The following QKI variants were observed in gnomAD, a reference collection of about 807,000 sequenced individuals.
The protein encoded by QKI is KH domain-containing RNA-binding protein QKI.
Under a neutral mutation model 39.0 loss-of-function variants are expected in QKI, and 10 were observed. The ratio of observed to expected loss-of-function variants is 0.26; its 90% confidence interval spans 0.16 to 0.43. The LOEUF (loss-of-function observed/expected upper bound fraction) is 0.43. Among genes scored for constraint, QKI ranks in the 20% least tolerant of loss-of-function variants. The pLI is 1.00. For synonymous variants in QKI, 204 were observed against 155.4 expected (o/e 1.31, Z -2.33); for missense variants, 218 against 428.0 (o/e 0.51, Z 4.33).
At chr6:163,421,604 T>C (rs996975682) in intron 1 of QKI, among the ~76,000 whole-genome samples, 1 of 152,200 alleles carries the variant, frequency 6.6e-6, no homozygotes, top group Non-Finnish European at 1.5e-5. Context: ...CTGAGTATAA[T>C]CATATGTGGC....
intron 3 of QKI, among the ~76,000 whole-genome samples, chr6:163,508,283 G>A (rs1779219837): frequency 6.6e-6 from 1 of 152,044 alleles, no homozygotes; most frequent in Non-Finnish European, 1.5e-5. Context: ...AATTCAAGAT[G>A]CTTAAGAAAC....
intron 3 of QKI, among the ~76,000 whole-genome samples, chr6:163,490,581 G>C (rs1176908431): frequency 3.3e-5 from 5 of 152,110 alleles, no homozygotes. Context: ...TGGATGCTTG[G>C]TGTGTCTCAG....
At chr6:163,510,445 C>T (rs117934694) in intron 3 of QKI, among the ~76,000 whole-genome samples, 6,110 of 151,210 alleles carry the variant, frequency 0.04, 136 homozygotes, top group African/African-American at 0.063. Context: ...CCTATAACCC[C>T]AGCTACTTGG....
intron 3 of QKI, among the ~76,000 whole-genome samples, chr6:163,485,392 A>G (rs1362146728): frequency 1.3e-5 from 2 of 152,230 alleles, no homozygotes; most frequent in Non-Finnish European, 2.9e-5. Flanking sequence ...GCAAATGAGA[A>G]CATGTAAGCC....
intron 2 of QKI, among the ~76,000 whole-genome samples, chr6:163,466,969 T>C: frequency 6.6e-6 from 1 of 151,788 alleles, no homozygotes; most frequent in East Asian, 1.9e-4. Context: ...TCTGCAAACC[T>C]TATGTCTGCT....
intron 1 of QKI, among the ~76,000 whole-genome samples, chr6:163,416,087 G>A (rs537122902): frequency 6.7e-6 from 1 of 148,954 alleles, no homozygotes; most frequent in Admixed American, 6.7e-5. Context: ...GAAATAACGC[G>A]ATGACAGATC....
At chr6:163,436,775 G>A (rs1232599862) in intron 1 of QKI, among the ~76,000 whole-genome samples, 1 of 119,772 alleles carries the variant, frequency 8.3e-6, no homozygotes, top group African/African-American at 3.3e-5. Flanking sequence ...GGGCGACAGA[G>A]CGAGACTCCG....
chr6:163,500,626 T>C lies in QKI; in HGVS notation c.402+21730T>C, dbSNP rs569350994. Among the ~76,000 whole-genome samples, 5 of 152,304 alleles carry C rather than the reference T, an allele frequency of 3.3e-5. No individual in the cohort carries two copies. The East Asian group carries it at 9.6e-4, about 29-fold the overall frequency. On this transcript the variant is annotated intron_variant, in intron 3 of 7. Transcript: ENST00000361752. ...AAATTATGTTCTTCCTACAGAATTT[T>C]ACAGGAAATTTCTTATTTTCTGACG...
chr6:163,428,560 CTT>C (rs1324494457), intron 1 of QKI, among the ~76,000 whole-genome samples: 1 of 152,042 alleles, frequency 6.6e-6, no homozygotes, highest in East Asian at 1.9e-4. Flanking sequence ...TCTTATCTCA[CTT>C]TTATTATAGT....
At chr6:163,553,462 T>A (rs1202961109) in intron 4 of QKI, among the ~76,000 whole-genome samples, 2 of 152,152 alleles carry the variant, frequency 1.3e-5, no homozygotes, top group Non-Finnish European at 2.9e-5. Flanking sequence ...CCAATTGGTA[T>A]TTATATGTCC....
intron 2 of QKI, among the ~76,000 whole-genome samples, chr6:163,469,152 A>G (rs926766879): frequency 3.3e-5 from 5 of 152,166 alleles, no homozygotes; most frequent in Non-Finnish European, 7.4e-5. Context: ...AATTTAGTAA[A>G]TCATAATTGT....
intron 1 of QKI, among the ~76,000 whole-genome samples, chr6:163,439,071 G>T (rs1789532470): frequency 6.6e-6 from 1 of 152,042 alleles, no homozygotes; most frequent in African/African-American, 2.4e-5. Flanking sequence ...GGCCTGCACA[G>T]GGTCCAGATC....
intron 3 of QKI, among the ~76,000 whole-genome samples, chr6:163,483,486 T>C (rs1339234127): frequency 6.6e-6 from 1 of 152,010 alleles, no homozygotes. Flanking sequence ...TTATGTAATA[T>C]TATAAATTTT....
rs527678298 is a variant in QKI, at chr6:163,551,228, C to CCAGT, written c.547-10749_547-10746dup. Among the ~76,000 whole-genome samples, 504 of 152,258 alleles carry CCAGT rather than the reference C, an allele frequency of 3.3e-3. 7 individuals carry two copies. The highest frequency in any genetic ancestry group is 0.011 in the African/African-American group (464 of 41,536). On this transcript the variant is annotated intron_variant, in intron 4 of 7. Transcript: ENST00000361752. ...AGGGATTCCTCCTCACCACCAGCAG[C>CCAGT]CAGTCAGTTCTGACACCAGATTCCT...
rs543014994 is a variant in QKI at position 163,477,599 on chromosome 6, C to T, written c.286-1181C>T. Among the ~76,000 whole-genome samples the T allele has an allele frequency of 3.3e-5, 5 of 152,262 alleles. No homozygotes were observed. In the East Asian group the frequency reaches 5.8e-4, roughly 18 times the overall value. On this transcript the variant is annotated intron_variant, in intron 2 of 7. Transcript: ENST00000361752. The stretch of plus-strand genomic sequence containing the variant: ...AATATAAAGAGCTATTAGCAGATTT[C>T]AGAATCTAGGATCTTGAAGAGCTAA...
chr6:163,427,193 T>C (rs1582963829), intron 1 of QKI, among the ~76,000 whole-genome samples: 1 of 151,964 alleles, frequency 6.6e-6, no homozygotes, highest in African/African-American at 2.4e-5. Context: ...CATTCATTTT[T>C]ATATTTTCAA....
intron 3 of QKI, among the ~76,000 whole-genome samples, chr6:163,505,971 T>C (rs1237087096): frequency 1.3e-5 from 2 of 152,114 alleles, no homozygotes; most frequent in Non-Finnish European, 2.9e-5. Flanking sequence ...GATTGGATCA[T>C]AGGGGTGGTT....
intron 4 of QKI, among the ~76,000 whole-genome samples, chr6:163,535,690 G>A (rs1374241340): frequency 6.6e-6 from 1 of 152,076 alleles, no homozygotes; most frequent in East Asian, 1.9e-4. Flanking sequence ...CAGCACTTTG[G>A]GAGGCTGAGG....
At chr6:163,474,449 TGA>T (rs1256455321) in intron 2 of QKI, among the ~76,000 whole-genome samples, 6 of 152,148 alleles carry the variant, frequency 3.9e-5, no homozygotes, top group Admixed American at 3.9e-4. Context: ...GAGTCAGTAA[TGA>T]AGAAATGCTG....
Sources: allele counts gnomAD v4.1 joint callset (sites outside exome capture counted in the v4.1 genomes callset), GRCh38; gene constraint gnomAD v4.1.1; transcripts MANE v1.5; gene names NCBI Gene and HGNC (gene_info 2026-07-23, HGNC 2026-07-21).